The following KCNAB1 variants were observed in gnomAD, a reference collection of about 807,000 sequenced individuals.
KCNAB1 encodes voltage-gated potassium channel subunit beta-1.
KCNAB1 carries 35 observed loss-of-function variants against 64.6 expected under a neutral mutation model. The ratio of observed to expected loss-of-function variants is 0.54; its 90% CI spans 0.41 to 0.72. KCNAB1 has a LOEUF of 0.72. Among genes scored for constraint, KCNAB1 ranks in the 30% least tolerant of loss-of-function variants. The pLI, the probability that KCNAB1 is intolerant of heterozygous loss-of-function variation, is 0.00. For synonymous variants in KCNAB1, 177 were observed against 183.8 expected (o/e 0.96, Z 0.30); for missense variants, 401 against 512.9 (o/e 0.78, Z 2.11).
chr3:156,538,372 A>AGAT lies in KCNAB1; in HGVS notation c.*1626_*1628dup, dbSNP rs1553761515. The AGAT allele has an allele frequency of 6.6e-6, 1 of 152,210 alleles. No homozygotes were observed. Among genetic ancestry groups the AGAT allele is most frequent in the Non-Finnish European group, 1.5e-5 (1 of 68,030 alleles). The allele number at this position is 152,210 out of a possible 1,614,324, so 9.4% of individuals were successfully genotyped here. A position where few individuals can be genotyped will look rare whatever the true frequency, so the allele number is the denominator to read the frequency against. On this transcript the variant is annotated 3_prime_UTR_variant, in exon 14 of 14. Coordinates refer to ENST00000490337, the MANE Select transcript of KCNAB1 (RefSeq NM_172160.3). ...TTCTAAATCTGAAAATGCTAGTGGGAGATATCAAGAAATTTTCTTTTTGAT... is the reference window on the plus strand; with the variant it reads ...TTCTAAATCTGAAAATGCTAGTGGGAGATGATATCAAGAAATTTTCTTTTTGAT...
At chr3:156,322,427 G>A (rs1722720330) in intron 1 of KCNAB1, among the ~76,000 whole-genome samples, 3 of 152,142 alleles carry the variant, frequency 2.0e-5, no homozygotes, top group African/African-American at 7.2e-5. Flanking sequence ...TACCAAACAA[G>A]TACAGACATT....
chr3:156,332,137 G>T (rs1262696553), intron 1 of KCNAB1, among the ~76,000 whole-genome samples: 18 of 152,102 alleles, frequency 1.2e-4, no homozygotes, highest in Admixed American at 1.2e-3. Flanking sequence ...AGTATGTGGG[G>T]TTTTTAATTA....
At chr3:156,494,783 T>C (rs1232079313) in intron 8 of KCNAB1, among the ~76,000 whole-genome samples, 1 of 152,192 alleles carries the variant, frequency 6.6e-6, no homozygotes, top group Admixed American at 6.5e-5. Flanking sequence ...AACATTTCAT[T>C]CCTTCAATGT....
intron 1 of KCNAB1, among the ~76,000 whole-genome samples, chr3:156,183,029 C>T (rs1259375625): frequency 6.6e-6 from 1 of 152,098 alleles, no homozygotes; most frequent in Non-Finnish European, 1.5e-5. Context: ...AATTTTAGTT[C>T]TAGCCTTTAA....
rs539445382 is a variant in KCNAB1 at position 156,214,892 on chromosome 3, G to A, written c.275+94006G>A. 2.8e-3 allele frequency among the ~76,000 whole-genome samples: 424 copies of A among 152,254 alleles called. 3 individuals are homozygous for A. Among genetic ancestry groups the A allele is most frequent in the African/African-American group, 9.4e-3 (390 of 41,554 alleles). On this transcript the variant is annotated intron_variant, in intron 1 of 13. Transcript: ENST00000490337. ...CACGAAACACATCAGGCTGTCGCCC[G>A]CCACAAGCAGGATCTTCACACACTG...
chr3:156,139,595 T>TTA (rs1553807274), intron 1 of KCNAB1, among the ~76,000 whole-genome samples: 6 of 146,042 alleles, frequency 4.1e-5, no homozygotes, highest in African/African-American at 1.5e-4. Flanking sequence ...TTTTTTTTTT[T>TTA]TTTTTTTTTT....
chr3:156,355,066 G>A lies in KCNAB1; in HGVS notation c.276-66550G>A, dbSNP rs544700218. 3.3e-5 allele frequency among the ~76,000 whole-genome samples: 5 copies of A among 152,276 alleles called. No homozygotes were observed. In the East Asian group the frequency reaches 9.6e-4, roughly 29 times the overall value. On this transcript the variant is annotated intron_variant, in intron 1 of 13. Transcript: ENST00000490337. ...TAACACATTTGAAATAATATCAATT[G>A]ATATTTCAGTGTCTGTTAAGCCTGA...
intron 2 of KCNAB1, among the ~76,000 whole-genome samples, chr3:156,444,079 C>A (rs1717224358): frequency 1.3e-5 from 2 of 152,168 alleles, no homozygotes; most frequent in Admixed American, 6.5e-5. Flanking sequence ...AAATGAAAGA[C>A]CAGGCTGCAG....
At chr3:156,350,547 A>G (rs1724791122) in intron 1 of KCNAB1, among the ~76,000 whole-genome samples, 1 of 151,782 alleles carries the variant, frequency 6.6e-6, no homozygotes, top group Non-Finnish European at 1.5e-5. Flanking sequence ...CCTCACAGGG[A>G]AAAATTCTTC....
intron 1 of KCNAB1, among the ~76,000 whole-genome samples, chr3:156,248,879 C>G (rs533197855): frequency 6.6e-6 from 1 of 152,006 alleles, no homozygotes; most frequent in Non-Finnish European, 1.5e-5. Flanking sequence ...TCCAGGTGGC[C>G]GAGTGTAGAG....
chr3:156,201,288 A>C (rs1286442534), intron 1 of KCNAB1, among the ~76,000 whole-genome samples: 4 of 152,180 alleles, frequency 2.6e-5, no homozygotes, highest in African/African-American at 9.7e-5. Context: ...CCTGTGCATT[A>C]ATTTTTTATT....
intron 8 of KCNAB1, among the ~76,000 whole-genome samples, chr3:156,510,785 C>G (rs1490157960): frequency 6.6e-6 from 1 of 152,176 alleles, no homozygotes; most frequent in Non-Finnish European, 1.5e-5. Flanking sequence ...GGCGTTCCAC[C>G]CTGTGGGCAT....
At chr3:156,236,078 T>TA (rs1161520934) in intron 1 of KCNAB1, among the ~76,000 whole-genome samples, 2 of 152,080 alleles carry the variant, frequency 1.3e-5, no homozygotes, top group African/African-American at 4.8e-5. Context: ...ATTCTGAATT[T>TA]AAAAAATATA....
At chr3:156,381,928 A>G (rs1411799019) in intron 1 of KCNAB1, among the ~76,000 whole-genome samples, 4 of 152,228 alleles carry the variant, frequency 2.6e-5, no homozygotes, top group Non-Finnish European at 5.9e-5. Flanking sequence ...AGCTGCAAAG[A>G]AAAAGATGAA....
intron 1 of KCNAB1, among the ~76,000 whole-genome samples, chr3:156,404,148 A>C (rs1162923523): frequency 3.9e-5 from 6 of 152,232 alleles, no homozygotes; most frequent in African/African-American, 1.4e-4. Flanking sequence ...ACAAGTTTAA[A>C]GTGAAATTAC....
chr3:156,188,390 A>T (rs6441048), intron 1 of KCNAB1, among the ~76,000 whole-genome samples: 18,922 of 152,124 alleles, frequency 0.12, 1,330 homozygotes, highest in Non-Finnish European at 0.15. Context: ...AACCAGTATT[A>T]TACTATATAT....
chr3:156,326,425 G>A (rs541734641), intron 1 of KCNAB1, among the ~76,000 whole-genome samples: 1 of 152,228 alleles, frequency 6.6e-6, no homozygotes, highest in African/African-American at 2.4e-5. Context: ...CCTGTAGGGA[G>A]GTGCCCACTC....
chr3:156,394,068 T>C (rs1713248205), intron 1 of KCNAB1, among the ~76,000 whole-genome samples: 1 of 152,240 alleles, frequency 6.6e-6, no homozygotes, highest in African/African-American at 2.4e-5. Flanking sequence ...GGAGTGTTAA[T>C]TAAACACCAT....
chr3:156,189,187 C>A (rs1447612289), intron 1 of KCNAB1, among the ~76,000 whole-genome samples: 2 of 152,152 alleles, frequency 1.3e-5, no homozygotes, highest in Admixed American at 6.5e-5. Flanking sequence ...ACTTATAATC[C>A]CTCTTTTTGG....
Sources: gnomAD v4.1 joint callset for allele counts (sites outside exome capture counted in the v4.1 genomes callset) on GRCh38, gnomAD v4.1.1 for gene constraint, MANE v1.5 for transcripts, NCBI Gene and HGNC (gene_info 2026-07-23, HGNC 2026-07-21) for gene names.